PKD1L1: variants seen among roughly 807,000 people sequenced by gnomAD.
PKD1L1 encodes the protein polycystin 1 like 1, transient receptor potential channel interacting, also known as polycystin-1-like protein 1.
In PKD1L1, 236 loss-of-function variants were observed where a neutral mutation model predicts 323.4. The observed-to-expected ratio is 0.73, with a 90% CI of 0.66 to 0.81. The LOEUF (loss-of-function observed/expected upper bound fraction) is 0.81, where lower values mean the gene tolerates loss of function less well. PKD1L1 is among the 40% of genes least tolerant of loss of function. The pLI, the probability that PKD1L1 is intolerant of heterozygous loss-of-function variation, is 0.00. For synonymous variants in PKD1L1, 1,344 were observed against 1,335.0 expected, an observed-to-expected ratio of 1.01 and a Z score of -0.15; for missense variants, 3,320 against 3,508.0, an observed-to-expected ratio of 0.95 and a Z score of 1.35.
At chr7:47,813,077 C>A (rs751511055) in intron 49 of PKD1L1, 44 bp downstream of exon 49, 2 of 1,583,492 alleles carry the variant, frequency 1.3e-6, no homozygotes, top group East Asian at 2.2e-5. Flanking sequence ...GCTGGAGTGG[C>A]GGTGGCAGGC....
chr7:47,894,255 C>T (rs1191739576), intron 14 of PKD1L1, among the ~76,000 whole-genome samples, 196 bp from the exon 15 acceptor site: 7 of 152,174 alleles, frequency 4.6e-5, no homozygotes, highest in Non-Finnish European at 1.0e-4. Context: ...TCCACGAGAC[C>T]ATGGACATCT....
chr7:47,877,452 G>T, intron 22 of PKD1L1, 37 bp downstream of exon 22: 1 of 1,608,968 alleles, frequency 6.2e-7, no homozygotes, highest in Non-Finnish European at 8.5e-7. Context: ...GCCACTGTCG[G>T]GGGTCTCTCA....
intron 3 of PKD1L1, 29 bp from the exon 4 acceptor site, chr7:47,936,987 A>C: frequency 1.3e-6 from 2 of 1,531,258 alleles, no homozygotes; most frequent in Non-Finnish European, 1.8e-6. Flanking sequence ...AAATAATGTG[A>C]GAGAGCTGCT....
chr7:47,881,191 T>C (rs958793836), intron 20 of PKD1L1, among the ~76,000 whole-genome samples: 2 of 152,112 alleles, frequency 1.3e-5, no homozygotes, highest in African/African-American at 4.8e-5. Context: ...TGCAGAATAC[T>C]GGTTATGGAC....
intron 56 of PKD1L1, among the ~76,000 whole-genome samples, chr7:47,781,850 T>C (rs1786705302): frequency 6.6e-6 from 1 of 152,238 alleles, no homozygotes; most frequent in Non-Finnish European, 1.5e-5. Flanking sequence ...GTATGAGGTA[T>C]AGGTACAAGT....
intron 26 of PKD1L1, among the ~76,000 whole-genome samples, chr7:47,862,967 T>A (rs1786065827): frequency 6.6e-6 from 1 of 152,166 alleles, no homozygotes; most frequent in Non-Finnish European, 1.5e-5. Context: ...TTTTCTAAGG[T>A]GGCCTGAGAG....
the PKD1L1 span, among the ~76,000 whole-genome samples, chr7:47,954,534 T>C: frequency 6.6e-6 from 1 of 152,270 alleles, no homozygotes; most frequent in African/African-American, 2.4e-5. Context: ...CAGGGGACAA[T>C]ACAGCAAGGA....
chr7:47,815,115 C>T (rs980735878), intron 47 of PKD1L1, among the ~76,000 whole-genome samples: 1 of 152,142 alleles, frequency 6.6e-6, no homozygotes, highest in Non-Finnish European at 1.5e-5. Flanking sequence ...TGGAGAATCC[C>T]GTGCAGCTCA....
chr7:47,816,005 G>C (rs932363683), intron 46 of PKD1L1, among the ~76,000 whole-genome samples: 5 of 152,180 alleles, frequency 3.3e-5, no homozygotes, highest in African/African-American at 1.2e-4. Flanking sequence ...AAGGCAGAGG[G>C]GACGGCGAGG....
intron 2 of PKD1L1, 135 bp downstream of exon 2, chr7:47,943,261 A>T: frequency 3.2e-6 from 2 of 624,526 alleles, no homozygotes; most frequent in Non-Finnish European, 5.4e-6. Flanking sequence ...CAGCAGGTTT[A>T]AGATCACTCT....
intron 19 of PKD1L1, among the ~76,000 whole-genome samples, chr7:47,883,511 G>A (rs1292407125): frequency 6.6e-6 from 1 of 152,220 alleles, no homozygotes; most frequent in East Asian, 1.9e-4. Context: ...CCTGTCTGCT[G>A]TCTCCTGACC....
At chr7:47,862,526 G>C (rs918209340) in intron 26 of PKD1L1, among the ~76,000 whole-genome samples, 1 of 152,180 alleles carries the variant, frequency 6.6e-6, no homozygotes, top group Non-Finnish European at 1.5e-5. Flanking sequence ...TCATGGAGTC[G>C]ACATTCCAGT....
At chr7:47,901,439 G>C (rs1358449560) in intron 13 of PKD1L1, among the ~76,000 whole-genome samples, 1 of 150,288 alleles carries the variant, frequency 6.7e-6, no homozygotes, top group East Asian at 2.0e-4. Context: ...AAAAACTCAA[G>C]AAAACCACTC....
chr7:47,787,075 CAAAT>C (rs60777979), intron 56 of PKD1L1, among the ~76,000 whole-genome samples: 61,324 of 151,690 alleles, frequency 0.4, 12,480 homozygotes, highest in East Asian at 0.58. Flanking sequence ...GATGAAGAAA[CAAAT>C]AAATGCCTTG....
intron 14 of PKD1L1, 65 bp from the exon 15 acceptor site, chr7:47,894,124 A>ACAC: frequency 7.1e-7 from 1 of 1,413,798 alleles, no homozygotes; most frequent in Non-Finnish European, 9.5e-7. Context: ...CTGGAGAAAC[A>ACAC]CACTAGTCTG....
chr7:47,883,361 A>T (rs1786607389), intron 19 of PKD1L1, among the ~76,000 whole-genome samples: 3 of 152,214 alleles, frequency 2.0e-5, no homozygotes, highest in Admixed American at 6.5e-5. Flanking sequence ...ATCCTGGGCA[A>T]CTAGAGACCA....
Position 47,885,832 on chromosome 7 carries a change from G to C in PKD1L1, c.3059C>G (p.Pro1020Arg). 1 of 1,614,236 alleles carries C rather than the reference G, an allele frequency of 6.2e-7. No homozygotes were observed. The highest frequency in any genetic ancestry group is 8.5e-7 in the Non-Finnish European group (1 of 1,180,044). The stretch of plus-strand genomic sequence containing the variant: ...CAGGACTGCAGAGTCCCCCGCAGGA[G>C]GAATCCAGTAGACTCCAGTCATGGG... Reference protein sequence around the residue: ...TEPMTGVYWIPPAGDSAVLGE... With the variant: ...TEPMTGVYWIRPAGDSAVLGE... The change falls in exon 18 of 57, where the codon CCT becomes CGT. Residue 1020 changes from proline to arginine, a missense_variant. Pro to Arg is a moderately radical substitution (Grantham distance 103). Transcript: ENST00000289672.
In PKD1L1 at chr7:47,929,541, G is replaced by A. The variant is rs543134152; in HGVS notation, c.738-15C>T. ...GGCCGTGGGAGCTGTGGGAGAGAGGGAGAGGCTTCAGATTTCATGACAGTG... is the reference window on the plus strand; with the variant it reads ...GGCCGTGGGAGCTGTGGGAGAGAGGAAGAGGCTTCAGATTTCATGACAGTG... On this transcript the variant is annotated splice_polypyrimidine_tract_variant and intron_variant, in intron 6 of 56. Transcript: ENST00000289672. 4 of 1,600,258 alleles carry A rather than the reference G, an allele frequency of 2.5e-6. No individual in the cohort carries two copies. The African/African-American group carries it at 4.0e-5, about 16-fold the overall frequency.
rs968394751 is a variant in PKD1L1 at position 47,857,907 on chromosome 7, G to C, written c.4363-75C>G. Reference sequence around the variant, plus strand: ...ACTGTCTTGAATCCAGACTAGGAGAGAGGGGAAAAGTAGTTAAAAAGCCCA... The same window carrying C: ...ACTGTCTTGAATCCAGACTAGGAGACAGGGGAAAAGTAGTTAAAAAGCCCA... On this transcript the variant is annotated intron_variant, in intron 27 of 56. Coordinates refer to ENST00000289672, the MANE Select transcript of PKD1L1 (RefSeq NM_138295.5). The C allele has an allele frequency of 3.9e-5, 55 of 1,397,072 alleles. No homozygotes were observed. In the African/African-American group the frequency reaches 6.8e-4, roughly 17 times the overall value. 86.5% of individuals were successfully genotyped at this position (1,397,072 alleles called of 1,614,324 possible).
Sources: allele counts gnomAD v4.1 joint callset (sites outside exome capture counted in the v4.1 genomes callset), GRCh38; gene constraint gnomAD v4.1.1; transcripts MANE v1.5; gene names NCBI Gene and HGNC (gene_info 2026-07-23, HGNC 2026-07-21).